Variants in NELL1 observed in about 807,000 individuals in gnomAD.
NELL1 encodes the protein neural EGFL like 1, also known as protein kinase C-binding protein NELL1.
In NELL1, 76 loss-of-function variants were observed where a neutral mutation model predicts 107.4. The ratio of observed to expected loss-of-function variants is 0.71; its 90% CI spans 0.59 to 0.86. The LOEUF (loss-of-function observed/expected upper bound fraction) is 0.86. NELL1 is among the 40% of genes least tolerant of loss of function. The probability of loss-of-function intolerance (pLI) is 0.00; values close to 1 mark genes in which losing one functional copy is unlikely to be tolerated. For missense variants in NELL1, 1,024 were observed against 1,005.5 expected (o/e 1.02, Z -0.25); for synonymous variants, 353 against 341.2 (o/e 1.03, Z -0.38).
At chr11:21,032,968 TTGAAAA>T (rs1282047545) in intron 12 of NELL1, among the ~76,000 whole-genome samples, 1 of 152,188 alleles carries the variant, frequency 6.6e-6, no homozygotes, top group Non-Finnish European at 1.5e-5. Context: ...TTTTCTTTAT[TTGAAAA>T]TGACTATTTC....
At chr11:20,728,938 G>A (rs932068430) in intron 2 of NELL1, among the ~76,000 whole-genome samples, 1 of 152,148 alleles carries the variant, frequency 6.6e-6, no homozygotes, top group South Asian at 2.1e-4. Flanking sequence ...CAATCCAAAA[G>A]AATGGAATAC....
intron 12 of NELL1, among the ~76,000 whole-genome samples, chr11:21,052,588 GTGA>G (rs1853521546): frequency 6.6e-6 from 1 of 152,144 alleles, no homozygotes; most frequent in African/African-American, 2.4e-5. Context: ...TGAAGAAATA[GTGA>G]GGAAGGAAAT....
At chr11:20,942,008 G>A (rs1022823325) in intron 10 of NELL1, among the ~76,000 whole-genome samples, 13 of 152,024 alleles carry the variant, frequency 8.6e-5, no homozygotes, top group Non-Finnish European at 1.3e-4. Flanking sequence ...GACCATCCTC[G>A]CAAGTGCTCT....
intron 14 of NELL1, among the ~76,000 whole-genome samples, chr11:21,338,120 T>A (rs1380271632): frequency 6.6e-6 from 1 of 151,882 alleles, no homozygotes; most frequent in Non-Finnish European, 1.5e-5. Flanking sequence ...TTCCGTCCTG[T>A]GAGAGAGATG....
chr11:21,371,157 G>A (rs764865309), intron 15 of NELL1, among the ~76,000 whole-genome samples: 5 of 152,188 alleles, frequency 3.3e-5, no homozygotes, highest in South Asian at 2.1e-4. Flanking sequence ...TCCCTCCAAC[G>A]ATTTAATTTT....
In NELL1 at chr11:20,801,031, C is replaced by T. The variant is rs187766129; in HGVS notation, c.335+17201C>T. Among the ~76,000 whole-genome samples the T allele has an allele frequency of 4.9e-4, 75 of 152,166 alleles. No homozygotes were observed. The East Asian group carries it at 0.012, about 25-fold the overall frequency. On this transcript the variant is annotated intron_variant, in intron 3 of 19. Transcript: ENST00000357134. Reference sequence around the variant, plus strand: ...TGGTCTAAAAAATCCAGCTTTCCACCTTCTCATCAAAAATAGGTATGTATT... The same window carrying T: ...TGGTCTAAAAAATCCAGCTTTCCACTTTCTCATCAAAAATAGGTATGTATT...
chr11:20,709,523 A>G (rs1590223982), intron 2 of NELL1, among the ~76,000 whole-genome samples: 1 of 151,886 alleles, frequency 6.6e-6, no homozygotes, highest in African/African-American at 2.4e-5. Flanking sequence ...GGCTGCATGG[A>G]GTATTTCTTG....
At chr11:20,703,953 TGTG>T in intron 2 of NELL1, among the ~76,000 whole-genome samples, 1 of 152,340 alleles carries the variant, frequency 6.6e-6, no homozygotes, top group South Asian at 2.1e-4. Context: ...ATAAGTGTGA[TGTG>T]GTGCTGAGAA....
In NELL1 at chr11:20,756,169, C is replaced by A. The variant is rs145909101; in HGVS notation, c.185-27511C>A. The stretch of plus-strand genomic sequence containing the variant: ...TGCTGGGATTACAGGCGTGAGCCAC[C>A]GCGCCTGGCCAGACCTGCATTGTTT... On this transcript the variant is annotated intron_variant, in intron 2 of 19. Transcript: ENST00000357134. Among the ~76,000 whole-genome samples the A allele has an allele frequency of 2.4e-3, 368 of 151,998 alleles. 2 individuals are homozygous for A. The highest frequency in any genetic ancestry group is 8.4e-3 in the African/African-American group (349 of 41,436).
intron 15 of NELL1, among the ~76,000 whole-genome samples, chr11:21,522,834 C>CTTTTTTTTTTTTTTTT (rs66707466): frequency 0.014 from 939 of 68,528 alleles, 28 homozygotes; most frequent in Non-Finnish European, 0.016. Flanking sequence ...TTTTTCTTTT[C>CTTTTTTTTTTTTTTTT]TTTTTTTTTT....
At chr11:20,670,153 C>G (rs766255278) in intron 1 of NELL1, among the ~76,000 whole-genome samples, 13 of 152,036 alleles carry the variant, frequency 8.6e-5, no homozygotes, top group Non-Finnish European at 1.5e-4. Context: ...GGAAACCACT[C>G]TCGCCGACCC....
chr11:20,776,983 G>A (rs1463917538), intron 2 of NELL1, among the ~76,000 whole-genome samples: 3 of 152,196 alleles, frequency 2.0e-5, no homozygotes, highest in Non-Finnish European at 4.4e-5. Flanking sequence ...CAAATAGATT[G>A]TTCATTCATT....
chr11:21,523,845 A>G (rs895405621), intron 15 of NELL1, among the ~76,000 whole-genome samples: 8 of 151,858 alleles, frequency 5.3e-5, no homozygotes, highest in Non-Finnish European at 1.2e-4. Flanking sequence ...TCACTTTCTT[A>G]GTTATCTAAT....
In NELL1 at chr11:21,153,398, C is replaced by T. The variant is rs569442324; in HGVS notation, c.1426+39684C>T. Among the ~76,000 whole-genome samples the T allele has an allele frequency of 4.6e-5, 7 of 151,684 alleles. No individual in the cohort carries two copies. The East Asian group carries it at 7.8e-4, about 17-fold the overall frequency. Reference sequence around the variant, plus strand: ...TAAACTAAGATTTCTTTTATGGGGGCGTGTAGAACAGAGTTGTAAGAAAAA... The same window carrying T: ...TAAACTAAGATTTCTTTTATGGGGGTGTGTAGAACAGAGTTGTAAGAAAAA... On this transcript the variant is annotated intron_variant, in intron 13 of 19. Transcript: ENST00000357134.
At chr11:21,465,834 G>A (rs992448553) in intron 15 of NELL1, among the ~76,000 whole-genome samples, 1 of 151,986 alleles carries the variant, frequency 6.6e-6, no homozygotes, top group Non-Finnish European at 1.5e-5. Context: ...GCTTTAAAGA[G>A]GTCAGAATAA....
chr11:21,426,567 A>G (rs1235818436), intron 15 of NELL1, among the ~76,000 whole-genome samples: 1 of 152,180 alleles, frequency 6.6e-6, no homozygotes, highest in Non-Finnish European at 1.5e-5. Context: ...CTTACCTTCA[A>G]AGCTTCAATG....
chr11:20,798,249 G>T (rs565282845), intron 3 of NELL1, among the ~76,000 whole-genome samples: 1 of 152,240 alleles, frequency 6.6e-6, no homozygotes, highest in African/African-American at 2.4e-5. Flanking sequence ...TTAAATCTTC[G>T]TCAGAAGAAA....
chr11:21,399,346 T>C (rs1280069832), intron 15 of NELL1, among the ~76,000 whole-genome samples: 1 of 151,712 alleles, frequency 6.6e-6, no homozygotes, highest in Non-Finnish European at 1.5e-5. Context: ...ATTTAGGTAT[T>C]GCAATGTGTT....
chr11:21,411,664 G>C (rs1852378835), intron 15 of NELL1, among the ~76,000 whole-genome samples: 1 of 152,016 alleles, frequency 6.6e-6, no homozygotes, highest in Non-Finnish European at 1.5e-5. Context: ...TTTTTCAAAA[G>C]AGAAAATTAA....
Sources: gnomAD v4.1 joint callset for allele counts (sites outside exome capture counted in the v4.1 genomes callset) on GRCh38, gnomAD v4.1.1 for gene constraint, MANE v1.5 for transcripts, NCBI Gene and HGNC (gene_info 2026-07-23, HGNC 2026-07-21) for gene names.